RANBP17: variants seen among roughly 807,000 people sequenced by gnomAD.
RANBP17 encodes RAN binding protein 17, also known as ran-binding protein 17.
RANBP17 carries 158 observed loss-of-function variants against 141.2 expected under a neutral mutation model. That is an observed-to-expected ratio of 1.12 (90% CI 0.98 to 1.28). RANBP17 has a LOEUF of 1.28. RANBP17 is among the 50% of genes most tolerant of loss of function. The pLI is 0.00. For missense variants in RANBP17, 1,438 were observed against 1,290.7 expected, an observed-to-expected ratio of 1.11 and a Z score of -1.75; for synonymous variants, 430 against 450.0, an observed-to-expected ratio of 0.96 and a Z score of 0.56.
At chr5:171,175,551 AT>A (rs1208924885) in intron 16 of RANBP17, among the ~76,000 whole-genome samples, 1 of 152,184 alleles carries the variant, frequency 6.6e-6, no homozygotes, top group Non-Finnish European at 1.5e-5. Flanking sequence ...CAAGGCTAAT[AT>A]CCAGAATCTA....
intron 3 of RANBP17, among the ~76,000 whole-genome samples, chr5:170,885,004 CT>C (rs1769025215): frequency 2.6e-5 from 4 of 151,812 alleles, no homozygotes; most frequent in Admixed American, 6.6e-5. Flanking sequence ...AAACTTTGAT[CT>C]TTTTTTTCAA....
At chr5:171,174,046 T>C (rs1760276545) in intron 16 of RANBP17, among the ~76,000 whole-genome samples, 1 of 152,158 alleles carries the variant, frequency 6.6e-6, no homozygotes, top group Non-Finnish European at 1.5e-5. Flanking sequence ...CTGTTGCATT[T>C]TACCCCAGAA....
chr5:170,979,186 C>G (rs1447333067), intron 14 of RANBP17, among the ~76,000 whole-genome samples: 3 of 152,106 alleles, frequency 2.0e-5, no homozygotes, highest in African/African-American at 7.2e-5. Context: ...ATGGTTATCT[C>G]TGGTTGAGAA....
intron 5 of RANBP17, chr5:170,897,147 T>C: frequency 2.4e-6 from 2 of 830,062 alleles, no homozygotes; most frequent in South Asian, 1.3e-5. Context: ...AGAGATGTAT[T>C]TGATACCAAA....
chr5:170,967,870 C>T lies in RANBP17; in HGVS notation c.1575-372C>T, dbSNP rs114504260. On this transcript the variant is annotated intron_variant, in intron 13 of 27. Coordinates refer to ENST00000523189, the MANE Select transcript of RANBP17 (RefSeq NM_022897.5). The stretch of plus-strand genomic sequence containing the variant: ...AAAAGGTGAAATACAAGACTACATA[C>T]TTAATATCCTTCTTCTTTTACTAAA... Among the ~76,000 whole-genome samples the T allele has an allele frequency of 7.9e-3, 1,196 of 151,642 alleles. 16 individuals carry two copies. The highest frequency in any genetic ancestry group is 0.028 in the African/African-American group (1,144 of 41,506).
intron 14 of RANBP17, among the ~76,000 whole-genome samples, chr5:171,143,824 T>C (rs1279064993): frequency 6.6e-6 from 1 of 152,138 alleles, no homozygotes; most frequent in Non-Finnish European, 1.5e-5. Flanking sequence ...GTCTTAAAGA[T>C]GGAGATGATT....
chr5:171,221,197 T>G (rs1447505041), intron 21 of RANBP17, among the ~76,000 whole-genome samples: 1 of 152,202 alleles, frequency 6.6e-6, no homozygotes, highest in Non-Finnish European at 1.5e-5. Context: ...GGTGAACTTA[T>G]GAGATTTGTT....
intron 14 of RANBP17, among the ~76,000 whole-genome samples, chr5:171,082,565 A>G (rs1378308349): frequency 2.0e-5 from 3 of 152,144 alleles, no homozygotes; most frequent in Non-Finnish European, 4.4e-5. Flanking sequence ...TAAAAAGAGA[A>G]TGTAGTAGAA....
intron 25 of RANBP17, among the ~76,000 whole-genome samples, chr5:171,287,572 T>TA (rs968053487): frequency 6.9e-6 from 1 of 144,002 alleles, no homozygotes; most frequent in African/African-American, 2.5e-5. Flanking sequence ...CTGATCATCC[T>TA]TTTTTTTTTT....
chr5:171,263,600 G>T (rs1421586097), intron 24 of RANBP17, among the ~76,000 whole-genome samples: 1 of 152,072 alleles, frequency 6.6e-6, no homozygotes, highest in Non-Finnish European at 1.5e-5. Context: ...TCCACTATTG[G>T]ATGCCCTCAA....
intron 1 of RANBP17, among the ~76,000 whole-genome samples, chr5:170,867,542 T>G (rs1767361619): frequency 6.6e-6 from 1 of 152,092 alleles, no homozygotes; most frequent in South Asian, 2.1e-4. Flanking sequence ...AAAAAGAGTT[T>G]GTGGGAAATG....
intron 14 of RANBP17, among the ~76,000 whole-genome samples, chr5:171,154,093 C>T (rs924551727): frequency 1.8e-4 from 22 of 120,324 alleles, no homozygotes; most frequent in African/African-American, 7.2e-4. Flanking sequence ...TAACAGTTCA[C>T]TTTAGTTTTT....
intron 14 of RANBP17, among the ~76,000 whole-genome samples, chr5:170,978,931 A>C (rs1777576992): frequency 6.6e-6 from 1 of 152,192 alleles, no homozygotes; most frequent in South Asian, 2.1e-4. Flanking sequence ...TCAGTAGAAG[A>C]ATGGATGAAT....
intron 14 of RANBP17, among the ~76,000 whole-genome samples, chr5:171,140,535 C>T (rs1450914451): frequency 6.6e-6 from 1 of 152,190 alleles, no homozygotes. Flanking sequence ...ATGTCATACT[C>T]CAGTTTATAA....
intron 14 of RANBP17, among the ~76,000 whole-genome samples, chr5:171,010,407 A>G (rs1779956865): frequency 6.6e-6 from 1 of 152,222 alleles, no homozygotes; most frequent in Non-Finnish European, 1.5e-5. Context: ...GCAAGCCCTT[A>G]CAGGTTAAGG....
At chr5:171,168,457 C>T (rs1381968831) in intron 14 of RANBP17, among the ~76,000 whole-genome samples, 3 of 152,096 alleles carry the variant, frequency 2.0e-5, no homozygotes, top group Admixed American at 6.6e-5. Context: ...CTTTGTGTGC[C>T]ATTAATCATG....
intron 26 of RANBP17, among the ~76,000 whole-genome samples, chr5:171,294,806 A>T (rs1363397510): frequency 3.3e-5 from 5 of 152,196 alleles, no homozygotes; most frequent in Non-Finnish European, 7.3e-5. Context: ...TTTTAAAATG[A>T]TTGAGAGGGA....
intron 24 of RANBP17, among the ~76,000 whole-genome samples, chr5:171,262,809 G>C (rs574098312): frequency 1.3e-5 from 2 of 152,168 alleles, no homozygotes; most frequent in South Asian, 4.2e-4. Flanking sequence ...TAAAAGCTTT[G>C]TAGTTCCACA....
intron 25 of RANBP17, among the ~76,000 whole-genome samples, chr5:171,279,741 A>C (rs1767737371): frequency 6.6e-6 from 1 of 152,118 alleles, no homozygotes; most frequent in South Asian, 2.1e-4. Flanking sequence ...GTCTAGGTAC[A>C]TCAACAAATT....
Sources: allele counts gnomAD v4.1 joint callset (sites outside exome capture counted in the v4.1 genomes callset), GRCh38; gene constraint gnomAD v4.1.1; transcripts MANE v1.5; gene names NCBI Gene and HGNC (gene_info 2026-07-23, HGNC 2026-07-21).